The following POFUT3 variants were observed in gnomAD, a reference collection of about 807,000 sequenced individuals.
The protein encoded by POFUT3 is GDP-fucose protein O-fucosyltransferase 3.
the POFUT3 span, among the ~76,000 whole-genome samples, chr8:33,368,640 C>T: frequency 0.042 from 6,317 of 152,152 alleles, 271 homozygotes; most frequent in African/African-American, 0.11. Context: ...TTTCTTATTG[C>T]AAGCACATTG....
the POFUT3 span, among the ~76,000 whole-genome samples, chr8:33,337,068 C>T: frequency 6.6e-6 from 1 of 152,098 alleles, no homozygotes; most frequent in Non-Finnish European, 1.5e-5. Context: ...TGAACTCTAC[C>T]GCTAACCTAG....
the POFUT3 span, among the ~76,000 whole-genome samples, chr8:33,418,656 A>G: frequency 3.9e-5 from 6 of 152,126 alleles, no homozygotes. Context: ...GCCACTATCA[A>G]AAACAATATG....
chr8:33,427,644 T>A, the POFUT3 span, among the ~76,000 whole-genome samples: 1 of 151,764 alleles, frequency 6.6e-6, no homozygotes. Flanking sequence ...AGAAAAAAAA[T>A]TGTAAAACAC....
At chr8:33,372,254 G>T in the POFUT3 span, 1 of 1,053,762 alleles carries the variant, frequency 9.5e-7, no homozygotes. Flanking sequence ...TAGCTAGATC[G>T]TCTCCCTCCA....
chr8:33,416,667 G>A, the POFUT3 span, among the ~76,000 whole-genome samples: 1 of 151,910 alleles, frequency 6.6e-6, no homozygotes, highest in African/African-American at 2.4e-5. Flanking sequence ...CCAACGTGGT[G>A]AAACCCAGTC....
the POFUT3 span, among the ~76,000 whole-genome samples, chr8:33,455,232 C>G: frequency 6.6e-6 from 1 of 152,092 alleles, no homozygotes; most frequent in African/African-American, 2.4e-5. Context: ...CACTTAGAAC[C>G]ACATTTTTAA....
At chr8:33,317,793 T>C in the POFUT3 span, among the ~76,000 whole-genome samples, 4 of 152,016 alleles carry the variant, frequency 2.6e-5, no homozygotes, top group Admixed American at 2.0e-4. Context: ...CACCCACTCA[T>C]CAAGCTGTCC....
At chr8:33,460,786 G>C in the POFUT3 span, 13 of 983,614 alleles carry the variant, frequency 1.3e-5, no homozygotes, top group African/African-American at 2.1e-4. Flanking sequence ...TTAAAAAAGG[G>C]GGGCAGGGGG....
chr8:33,406,903 T>C, the POFUT3 span, among the ~76,000 whole-genome samples: 27 of 152,246 alleles, frequency 1.8e-4, no homozygotes, highest in Middle Eastern at 6.8e-3. Context: ...TAGTGATACG[T>C]TCATTCATTC....
chr8:33,364,529 T>C, the POFUT3 span, among the ~76,000 whole-genome samples: 2 of 152,172 alleles, frequency 1.3e-5, no homozygotes, highest in Admixed American at 6.5e-5. Flanking sequence ...AACCCTATCG[T>C]CTCAGCCCAA....
chr8:33,341,580 T>A, the POFUT3 span, among the ~76,000 whole-genome samples: 2 of 151,738 alleles, frequency 1.3e-5, no homozygotes, highest in African/African-American at 4.8e-5. Flanking sequence ...AAAGCAATAC[T>A]GAGAGAGGAA....
the POFUT3 span, among the ~76,000 whole-genome samples, chr8:33,385,645 G>A: frequency 2.6e-5 from 4 of 152,122 alleles, no homozygotes; most frequent in Non-Finnish European, 4.4e-5. Context: ...ACTTTGGGAG[G>A]CCAAGGCAGG....
At chr8:33,422,189 T>C in the POFUT3 span, among the ~76,000 whole-genome samples, 1 of 151,628 alleles carries the variant, frequency 6.6e-6, no homozygotes, top group Non-Finnish European at 1.5e-5. Flanking sequence ...TCCAAGATGT[T>C]CTTCCTTTGC....
the POFUT3 span, among the ~76,000 whole-genome samples, chr8:33,455,539 T>C: frequency 7.9e-5 from 12 of 152,060 alleles, no homozygotes; most frequent in African/African-American, 2.7e-4. Flanking sequence ...AAAAACAAGA[T>C]TTGGTATTAA....
At chr8:33,390,723 C>G in the POFUT3 span, among the ~76,000 whole-genome samples, 1 of 152,018 alleles carries the variant, frequency 6.6e-6, no homozygotes, top group Admixed American at 6.6e-5. Flanking sequence ...CACTATGTTA[C>G]AGACCACTGC....
the POFUT3 span, among the ~76,000 whole-genome samples, chr8:33,343,769 A>G: frequency 6.6e-6 from 1 of 152,236 alleles, no homozygotes; most frequent in African/African-American, 2.4e-5. Context: ...ATTCTAGAAG[A>G]GAAAATATCC....
the POFUT3 span, among the ~76,000 whole-genome samples, chr8:33,320,405 G>T: frequency 5.3e-5 from 8 of 152,066 alleles, no homozygotes; most frequent in East Asian, 1.5e-3. Context: ...TAATTCTGGG[G>T]TGTTGACCAA....
the POFUT3 span, among the ~76,000 whole-genome samples, chr8:33,472,050 C>T: frequency 6.6e-6 from 1 of 152,116 alleles, no homozygotes; most frequent in Non-Finnish European, 1.5e-5. Context: ...AGGGAGAAAC[C>T]CTGCCCTAGT....
the POFUT3 span, among the ~76,000 whole-genome samples, chr8:33,346,163 G>GA: frequency 0.77 from 106,530 of 138,376 alleles, 40,372 homozygotes; most frequent in Admixed American, 0.8. Context: ...GCAGTGGAAA[G>GA]AAAAAAAAAA....
Sources: allele counts gnomAD v4.1 joint callset (sites outside exome capture counted in the v4.1 genomes callset), GRCh38; gene constraint gnomAD v4.1.1; transcripts MANE v1.5; gene names NCBI Gene and HGNC (gene_info 2026-07-23, HGNC 2026-07-21).